Variants in RADIL observed in about 807,000 individuals in gnomAD.
RADIL encodes ras-associating and dilute domain-containing protein.
In RADIL, 99 loss-of-function variants were observed where a neutral mutation model predicts 97.6. That is an observed-to-expected ratio of 1.01 (90% CI 0.86 to 1.20). The LOEUF (loss-of-function observed/expected upper bound fraction) is 1.20, where lower values mean the gene tolerates loss of function less well. Ranked by LOEUF, RADIL falls within the 50% of genes most tolerant of loss-of-function variation. RADIL has a pLI of 0.00. For synonymous variants in RADIL, 803 were observed against 691.8 expected (o/e 1.16, Z -2.52); for missense variants, 1,765 against 1,498.9 (o/e 1.18, Z -2.93).
At chr7:4,833,309 G>A (rs117091266) in intron 4 of RADIL, among the ~76,000 whole-genome samples, 2,454 of 152,314 alleles carry the variant, frequency 0.016, 36 homozygotes, top group Non-Finnish European at 0.022. Context: ...GAGGAGACTC[G>A]GGAAATGACA....
chr7:4,817,062 G>T lies in RADIL; in HGVS notation c.1728+177C>A, dbSNP rs1053559619. Among the ~76,000 whole-genome samples the T allele has an allele frequency of 6.6e-6, 1 of 152,154 alleles. No individual in the cohort carries two copies. Among genetic ancestry groups the T allele is most frequent in the South Asian group, 2.1e-4 (1 of 4,830 alleles). Reference sequence around the variant, plus strand: ...GCGACCTGAGGAGGAGCGGGTGTGGGGGGTGCAGCTGGGCCTGTGCAGAAC... The same window carrying T: ...GCGACCTGAGGAGGAGCGGGTGTGGTGGGTGCAGCTGGGCCTGTGCAGAAC... On this transcript the variant is annotated intron_variant, in intron 7 of 14. Transcript: ENST00000399583. This position sits in a 1 kb window ranked among gnomAD's most constrained non-coding sequence, Gnocchi z 8.3.
At chr7:4,804,660 A>G (rs1042580856) in intron 10 of RADIL, among the ~76,000 whole-genome samples, 1 of 151,950 alleles carries the variant, frequency 6.6e-6, no homozygotes, top group East Asian at 1.9e-4. Flanking sequence ...GGTGGCACAC[A>G]CCTGTAATCC....
chr7:4,805,405 G>T (rs779032107), intron 10 of RADIL, 161 bp downstream of exon 10: 5 of 825,428 alleles, frequency 6.1e-6, no homozygotes, highest in Non-Finnish European at 6.7e-6. Flanking sequence ...GGGATGGGGC[G>T]GGGCGGGGGG....
At position 4,815,320 on chromosome 7, in the gene RADIL, G is replaced by A. The variant is rs753949401; in HGVS notation, c.2097C>T (p.Cys699=). The A allele has an allele frequency of 9.6e-6, 15 of 1,559,618 alleles. No individual in the cohort carries two copies. In the East Asian group the frequency reaches 2.9e-4, roughly 30 times the overall value. ...AGEHFFQKLS[C]TLNLLATPRA... is the part of the protein sequence containing the mutation. ...TGGGTGTGGCCAGCAGGTTGAGGGT[G>A]CAGGAGAGCTTCTGGAAGAAGTGCT... The change falls in exon 9 of 15, where the codon TGC becomes TGT. Residue 699 remains cysteine, a synonymous_variant. Transcript: ENST00000399583. The surrounding 1 kb of genome is among the most constrained non-coding windows in gnomAD (Gnocchi z 8.0).
intron 11 of RADIL, among the ~76,000 whole-genome samples, chr7:4,802,219 T>A (rs1317551045): frequency 6.6e-6 from 1 of 152,128 alleles, no homozygotes; most frequent in Non-Finnish European, 1.5e-5. Context: ...TTCCCAGAGC[T>A]CCCGCCTGCT....
intron 10 of RADIL, among the ~76,000 whole-genome samples, chr7:4,804,763 G>A (rs1180197769): frequency 6.7e-6 from 1 of 149,940 alleles, no homozygotes; most frequent in Non-Finnish European, 1.5e-5. Flanking sequence ...CTCCAGCCTG[G>A]TGACAGAGTG....
At chr7:4,875,412 C>T (rs1284469037) in intron 2 of RADIL, among the ~76,000 whole-genome samples, 1 of 151,778 alleles carries the variant, frequency 6.6e-6, no homozygotes, top group African/African-American at 2.4e-5. Context: ...AAAAGAAGCA[C>T]GTGAGCCTCA....
At chr7:4,806,079 G>C (rs1782297850) in intron 9 of RADIL, 2 of 984,338 alleles carry the variant, frequency 2.0e-6, no homozygotes, top group South Asian at 4.7e-5. Context: ...AATCAATCAA[G>C]TCGGCTAAAA....
rs929581250 is a variant in RADIL at position 4,878,730 on chromosome 7, G to A, written c.-64-527C>T. ...AGGTCGCCTAAGTAAGACACGCTCCGCTGCAGGGCTTGGATTTCTGGAAAG... is the reference window on the plus strand; with the variant it reads ...AGGTCGCCTAAGTAAGACACGCTCCACTGCAGGGCTTGGATTTCTGGAAAG... On this transcript the variant is annotated intron_variant, in intron 1 of 14. Coordinates refer to ENST00000399583, the MANE Select transcript of RADIL (RefSeq NM_018059.5). This position sits in a 1 kb window ranked among gnomAD's most constrained non-coding sequence, Gnocchi z 4.1. Among the ~76,000 whole-genome samples the A allele has an allele frequency of 2.6e-5, 4 of 152,234 alleles. No homozygotes were observed. The highest frequency in any genetic ancestry group is 4.4e-5 in the Non-Finnish European group (3 of 68,040).
intron 2 of RADIL, among the ~76,000 whole-genome samples, chr7:4,870,275 C>T (rs540613998): frequency 6.6e-6 from 1 of 152,290 alleles, no homozygotes; most frequent in East Asian, 1.9e-4. Context: ...AACACTTCTG[C>T]CACTTAAACC....
rs576870475 is a variant in RADIL at position 4,862,037 on chromosome 7, C to G, written c.535+15568G>C. ...CGGCTGCGTTCCAGAACCTACCGTA[C>G]ACGCGCGGGCGCCTGCGCACCCGCC... On this transcript the variant is annotated intron_variant, in intron 2 of 14. Transcript: ENST00000399583. 240 of 400,290 alleles carry G rather than the reference C, an allele frequency of 6.0e-4. 1 individual carries two copies. Among genetic ancestry groups the G allele is most frequent in the African/African-American group, 4.5e-3 (218 of 48,444 alleles). 24.8% of individuals were successfully genotyped at this position (400,290 alleles called of 1,614,324 possible).
At chr7:4,861,460 G>C in intron 2 of RADIL, 1 of 1,614,114 alleles carries the variant, frequency 6.2e-7, no homozygotes, top group Non-Finnish European at 8.5e-7. Flanking sequence ...CAACGCACAA[G>C]GCGTCAATAT....
Position 4,815,272 on chromosome 7 carries a change from C to G in RADIL, c.2139+6G>C. 6.4e-7 allele frequency: 1 copy of G among 1,551,138 alleles called. No individual in the cohort carries two copies. Among genetic ancestry groups the G allele is most frequent in the Non-Finnish European group, 8.7e-7 (1 of 1,147,514 alleles). Reference sequence around the variant, plus strand: ...CACACTCGCCGCCTCCCATGCGCACCCCTACCTGGATGAGCTGGGCCCTGG... The same window carrying G: ...CACACTCGCCGCCTCCCATGCGCACGCCTACCTGGATGAGCTGGGCCCTGG... On this transcript the variant is annotated splice_donor_region_variant and intron_variant, in intron 9 of 14. Transcript: ENST00000399583. This position sits in a 1 kb window ranked among gnomAD's most constrained non-coding sequence, Gnocchi z 8.0.
chr7:4,835,125 T>C lies in RADIL; in HGVS notation c.898A>G (p.Ile300Val). ...APDILPLHCT[I>V]RRQPLPDSGQ... The stretch of plus-strand genomic sequence containing the variant: ...CTGTCCGGGAGCGGTTGCCGGCGGA[T>C]GGTGCAGTGTAGAGGCAGGATGTCG... Residue 300 changes from isoleucine (I) to valine (V), a missense_variant, in exon 4 of 15, where the codon ATC (isoleucine) becomes GTC (valine). Coordinates refer to ENST00000399583, the MANE Select transcript of RADIL (RefSeq NM_018059.5). This position sits in a 1 kb window ranked among gnomAD's most constrained non-coding sequence, Gnocchi z 5.8. 1 of 1,609,932 alleles carries C rather than the reference T, an allele frequency of 6.2e-7. No individual in the cohort carries two copies. The highest frequency in any genetic ancestry group is 8.5e-7 in the Non-Finnish European group (1 of 1,178,634).
chr7:4,818,993 T>C lies in RADIL; in HGVS notation c.1616-1642A>G, dbSNP rs182384485. ...GTCTGGAACTCCAATCTACCCGCCT[T>C]GGCCCCCCAAAGTGCTGGGATTACA... On this transcript the variant is annotated intron_variant, in intron 6 of 14. Transcript: ENST00000399583. The surrounding 1 kb of genome is among the most constrained non-coding windows in gnomAD (Gnocchi z 7.1). 6.6e-6 allele frequency among the ~76,000 whole-genome samples: 1 copy of C among 151,826 alleles called. No homozygotes were observed. Among genetic ancestry groups the C allele is most frequent in the Admixed American group, 6.6e-5 (1 of 15,256 alleles).
At chr7:4,868,110 T>TGGA in intron 2 of RADIL, among the ~76,000 whole-genome samples, 1 of 152,302 alleles carries the variant, frequency 6.6e-6, no homozygotes, top group Non-Finnish European at 1.5e-5. Flanking sequence ...TCGCCCAGGC[T>TGGA]GGAGTGCAGT....
At position 4,800,211 on chromosome 7, in the gene RADIL, C is replaced by A. The variant is rs922448245; in HGVS notation, c.2942G>T (p.Arg981Leu). 3 of 1,608,056 alleles carry A rather than the reference C, an allele frequency of 1.9e-6. No homozygotes were observed. The African/African-American group carries it at 4.0e-5, about 22-fold the overall frequency. ...GCCCATCCCCAGCCCGGAGGGGCCTCGTTCCAGCTCCACCGTGAAGACGTA... is the reference window on the plus strand; with the variant it reads ...GCCCATCCCCAGCCCGGAGGGGCCTAGTTCCAGCTCCACCGTGAAGACGTA... ...FCYVFTVELERGPSGLGMGLI... is the reference protein window; with the variant it reads ...FCYVFTVELELGPSGLGMGLI... Residue 981 changes from arginine (R) to leucine (L), a missense_variant, in exon 13 of 15, where the codon CGA becomes CTA. Arg to Leu is a moderately radical substitution (Grantham distance 102, BLOSUM62 -2). Coordinates refer to ENST00000399583, the MANE Select transcript of RADIL (RefSeq NM_018059.5).
rs1019544791 is a variant in RADIL at position 4,834,426 on chromosome 7, C to T, written c.1416+181G>A. On this transcript the variant is annotated intron_variant, in intron 4 of 14. Coordinates refer to ENST00000399583, the MANE Select transcript of RADIL (RefSeq NM_018059.5). The surrounding 1 kb of genome is among the most constrained non-coding windows in gnomAD (Gnocchi z 6.0). Reference sequence around the variant, plus strand: ...GCTGACACCTTGGGTTCTGGGGCTGCTTCTGGTGGCCTGTGGGGCTGGGGG... The same window carrying T: ...GCTGACACCTTGGGTTCTGGGGCTGTTTCTGGTGGCCTGTGGGGCTGGGGG... 6.6e-6 allele frequency among the ~76,000 whole-genome samples: 1 copy of T among 152,176 alleles called. No homozygotes were observed. The highest frequency in any genetic ancestry group is 2.4e-5 in the African/African-American group (1 of 41,450).
rs1015269895 is a variant in RADIL, at chr7:4,799,748, C to T, written c.3004G>A (p.Gly1002Arg). The T allele has an allele frequency of 2.1e-5, 32 of 1,547,606 alleles. No homozygotes were observed. The highest frequency in any genetic ancestry group is 5.4e-5 in the African/African-American group (4 of 73,524). Residue 1002 changes from glycine to arginine, a missense_variant, in exon 14 of 15, where the codon GGG becomes AGG. Gly to Arg is a moderately radical substitution (Grantham distance 125). Transcript: ENST00000399583. The part of the protein sequence containing the change: ...DGMHTHLGAP[G>R]LYIQTLLPGS... ...GGGAGCAGGGTCTGGATGTAGAGCC[C>T]GGGGGCGCCCAGGTGCGTGTGCTGG...
Sources: gnomAD v4.1 joint callset for allele counts (sites outside exome capture counted in the v4.1 genomes callset) on GRCh38, gnomAD v4.1.1 for gene constraint, Gnocchi (gnomAD v3.1) non-coding constraint, MANE v1.5 for transcripts, NCBI Gene and HGNC (gene_info 2026-07-23, HGNC 2026-07-21) for gene names.